The following SYT16 variants were observed in gnomAD, a reference collection of about 807,000 sequenced individuals.
SYT16 encodes synaptotagmin 16.
SYT16 carries 42 observed loss-of-function variants against 61.4 expected under a neutral mutation model. The observed-to-expected ratio is 0.68, with a 90% CI of 0.53 to 0.89. The LOEUF is 0.89. Ranked by LOEUF, SYT16 falls within the 40% of genes least tolerant of loss-of-function variation. The pLI, the probability that SYT16 is intolerant of heterozygous loss-of-function variation, is 0.00. For missense variants in SYT16, 804 were observed against 807.3 expected (o/e 1.00, Z 0.05); for synonymous variants, 314 against 302.3 (o/e 1.04, Z -0.40).
Position 61,887,733 on chromosome 14 carries a change from T to C in SYT16, c.-325+74923T>C, listed in dbSNP as rs73258418. On this transcript the variant is annotated intron_variant, in intron 1 of 7. Coordinates refer to ENST00000683842, the MANE Select transcript of SYT16 (RefSeq NM_001367656.1). ...TTCTTCTGCAGCTTCCTTCTGCACC[T>C]CTCAGCCTTCATAGAATTGAAGAGA... Among the ~76,000 whole-genome samples, 301 of 152,346 alleles carry C rather than the reference T, an allele frequency of 2.0e-3. 3 individuals carry two copies. The highest frequency in any genetic ancestry group is 6.8e-3 in the African/African-American group (282 of 41,580).
chr14:61,836,894 G>A (rs1004975797), intron 1 of SYT16, among the ~76,000 whole-genome samples: 7 of 151,908 alleles, frequency 4.6e-5, no homozygotes, highest in Admixed American at 2.6e-4. Flanking sequence ...TTTATTTTCT[G>A]TCATGATTTC....
intron 1 of SYT16, among the ~76,000 whole-genome samples, chr14:61,928,943 C>T (rs1239054448): frequency 1.3e-5 from 2 of 152,210 alleles, no homozygotes; most frequent in Admixed American, 1.3e-4. Context: ...TGTGCATAGT[C>T]ATTAGTGACA....
intron 3 of SYT16, among the ~76,000 whole-genome samples, chr14:62,014,201 G>C (rs1317408860): frequency 1.3e-5 from 2 of 152,070 alleles, no homozygotes; most frequent in East Asian, 3.9e-4. Context: ...AGATCCAACT[G>C]CCTTCACGTG....
At chr14:62,048,993 T>C (rs1462194923) in intron 3 of SYT16, among the ~76,000 whole-genome samples, 3 of 152,194 alleles carry the variant, frequency 2.0e-5, no homozygotes, top group Non-Finnish European at 4.4e-5. Flanking sequence ...CTGTTAGGTC[T>C]GCTTGGTGCA....
At chr14:61,814,871 A>G (rs1046923846) in intron 1 of SYT16, among the ~76,000 whole-genome samples, 3 of 152,200 alleles carry the variant, frequency 2.0e-5, no homozygotes, top group African/African-American at 7.2e-5. Flanking sequence ...AAGCTTGACC[A>G]TGTTTGCAGC....
chr14:61,917,089 C>A (rs1019295301), intron 1 of SYT16, among the ~76,000 whole-genome samples: 1 of 152,070 alleles, frequency 6.6e-6, no homozygotes, highest in Non-Finnish European at 1.5e-5. Context: ...GATTTGCTTT[C>A]TTTTGGATAT....
intron 7 of SYT16, among the ~76,000 whole-genome samples, chr14:62,092,630 A>G (rs1318902730): frequency 6.6e-6 from 1 of 151,922 alleles, no homozygotes; most frequent in Non-Finnish European, 1.5e-5. Flanking sequence ...CCAGTCACAA[A>G]AAGACAAACA....
intron 1 of SYT16, among the ~76,000 whole-genome samples, chr14:61,946,547 A>T (rs540494255): frequency 1.1e-4 from 16 of 152,166 alleles, no homozygotes; most frequent in Non-Finnish European, 2.2e-4. Flanking sequence ...TACCCCTAAA[A>T]TATATTTTAA....
At chr14:62,077,059 T>G (rs993580080) in intron 5 of SYT16, among the ~76,000 whole-genome samples, 7 of 152,268 alleles carry the variant, frequency 4.6e-5, no homozygotes, top group African/African-American at 1.7e-4. Context: ...CGTAACTGCC[T>G]GCTTTGCAGG....
At chr14:61,837,175 C>T (rs1389773564) in intron 1 of SYT16, among the ~76,000 whole-genome samples, 1 of 151,856 alleles carries the variant, frequency 6.6e-6, no homozygotes, top group Admixed American at 6.6e-5. Context: ...GGCCAGGCCT[C>T]CTCATAGGTG....
chr14:62,086,270 G>A (rs780601954), intron 7 of SYT16, among the ~76,000 whole-genome samples: 2 of 152,190 alleles, frequency 1.3e-5, no homozygotes, highest in Non-Finnish European at 2.9e-5. Context: ...CCTCAGGCCA[G>A]GGGTTTGAGA....
intron 3 of SYT16, among the ~76,000 whole-genome samples, chr14:62,006,149 A>T (rs1285058445): frequency 6.6e-6 from 1 of 151,412 alleles, no homozygotes; most frequent in Non-Finnish European, 1.5e-5. Context: ...ATGTGATTGG[A>T]CTCTCAGCTG....
intron 1 of SYT16, among the ~76,000 whole-genome samples, chr14:61,853,815 A>C (rs1333060325): frequency 6.6e-6 from 1 of 152,188 alleles, no homozygotes; most frequent in Non-Finnish European, 1.5e-5. Flanking sequence ...TAGTAGTGGG[A>C]GCACAATTTA....
At chr14:61,915,652 T>C (rs1484948870) in intron 1 of SYT16, among the ~76,000 whole-genome samples, 1 of 152,210 alleles carries the variant, frequency 6.6e-6, no homozygotes, top group African/African-American at 2.4e-5. Flanking sequence ...AGCAATTGTT[T>C]TTGAACAGAT....
At chr14:61,873,923 T>A (rs560840114) in intron 1 of SYT16, among the ~76,000 whole-genome samples, 52 of 152,202 alleles carry the variant, frequency 3.4e-4, no homozygotes, top group Admixed American at 9.2e-4. Flanking sequence ...ATGTTGGATA[T>A]GTTTAGTGAG....
chr14:61,869,704 T>G (rs1372181015), intron 1 of SYT16, among the ~76,000 whole-genome samples: 1 of 152,162 alleles, frequency 6.6e-6, no homozygotes, highest in Non-Finnish European at 1.5e-5. Flanking sequence ...GATAGTTAGG[T>G]CAAGAGAATG....
intron 3 of SYT16, among the ~76,000 whole-genome samples, chr14:62,061,063 C>T (rs1440707307): frequency 6.6e-6 from 1 of 151,980 alleles, no homozygotes; most frequent in African/African-American, 2.4e-5. Context: ...ATGACAGTAA[C>T]ACAAAGGAGA....
chr14:61,846,909 C>T (rs539173813), intron 1 of SYT16, among the ~76,000 whole-genome samples: 2 of 152,254 alleles, frequency 1.3e-5, no homozygotes, highest in South Asian at 4.1e-4. Flanking sequence ...ACACTATTTG[C>T]ATAAACAAAC....
At chr14:61,965,519 C>G (rs762000800) in intron 1 of SYT16, among the ~76,000 whole-genome samples, 7 of 152,070 alleles carry the variant, frequency 4.6e-5, no homozygotes, top group Non-Finnish European at 7.4e-5. Context: ...CTAGTGTTCC[C>G]CATCCCTCAC....
Sources: allele counts gnomAD v4.1 joint callset (sites outside exome capture counted in the v4.1 genomes callset), GRCh38; gene constraint gnomAD v4.1.1; transcripts MANE v1.5; gene names NCBI Gene and HGNC (gene_info 2026-07-23, HGNC 2026-07-21).